The following FNDC1 variants were observed in gnomAD, a reference collection of about 807,000 sequenced individuals.
FNDC1 encodes the protein fibronectin type III domain containing 1.
In FNDC1, 96 loss-of-function variants were observed where a neutral mutation model predicts 168.0. The ratio of observed to expected loss-of-function variants is 0.57; its 90% CI spans 0.48 to 0.68. The LOEUF (loss-of-function observed/expected upper bound fraction) is 0.68, where lower values mean the gene tolerates loss of function less well. FNDC1 is among the 30% of genes least tolerant of loss of function. The probability of loss-of-function intolerance (pLI) is 0.00; values close to 1 mark genes in which losing one functional copy is unlikely to be tolerated. For missense variants in FNDC1, 2,587 were observed against 2,482.1 expected, an observed-to-expected ratio of 1.04 and a Z score of -0.90; for synonymous variants, 1,099 against 1,025.9, an observed-to-expected ratio of 1.07 and a Z score of -1.36.
intron 9 of FNDC1, among the ~76,000 whole-genome samples, chr6:159,226,804 C>T (rs138501676): frequency 3.3e-3 from 508 of 152,306 alleles, no homozygotes; most frequent in Non-Finnish European, 5.8e-3. Flanking sequence ...TTTGCTGTTG[C>T]TGTTGGGAAG....
intron 15 of FNDC1, 133 bp from the exon 16 acceptor site, chr6:159,248,906 G>T: frequency 1.7e-6 from 1 of 590,170 alleles, no homozygotes. Flanking sequence ...TTTATTTTAG[G>T]GTGTGTGTGT....
At position 159,232,074 on chromosome 6, in the gene FNDC1, G is replaced by A. The variant is rs1398311784; in HGVS notation, c.1562G>A (p.Arg521Gln). The change falls in exon 11 of 23, where the codon CGA becomes CAA. Residue 521 changes from arginine (R) to glutamine (Q), a missense_variant. Arg to Gln is a conservative substitution (Grantham distance 43). Coordinates refer to ENST00000297267, the MANE Select transcript of FNDC1 (RefSeq NM_032532.3). This position sits in a 1 kb window ranked among gnomAD's most constrained non-coding sequence, Gnocchi z 4.9. Reference sequence around the variant, plus strand: ...ATATTGGCTAATGGTGGGGCGCCCCGAAAACCCCAGCTTCGCGCCAAGAAG... The same window carrying A: ...ATATTGGCTAATGGTGGGGCGCCCCAAAAACCCCAGCTTCGCGCCAAGAAG... The part of the protein sequence containing the change: ...NKILANGGAP[R>Q]KPQLRAKKAE... The A allele has an allele frequency of 1.2e-6, 2 of 1,613,696 alleles. No individual in the cohort carries two copies.
At position 159,173,136 on chromosome 6, in the gene FNDC1, G is replaced by A. The variant is rs368599918; in HGVS notation, c.109+3431G>A. On this transcript the variant is annotated intron_variant, in intron 1 of 22. Transcript: ENST00000297267. Reference sequence around the variant, plus strand: ...GAAACATAACCTCCTTGGCATCCTCGTAAATTTAAGAATAGAAGATAATTC... The same window carrying A: ...GAAACATAACCTCCTTGGCATCCTCATAAATTTAAGAATAGAAGATAATTC... Among the ~76,000 whole-genome samples, 85 of 152,250 alleles carry A rather than the reference G, an allele frequency of 5.6e-4. 1 individual carries two copies. Among genetic ancestry groups the A allele is most frequent in the African/African-American group, 2.0e-3 (82 of 41,550 alleles).
At chr6:159,207,872 C>T (rs989862766) in intron 4 of FNDC1, among the ~76,000 whole-genome samples, 6 of 152,176 alleles carry the variant, frequency 3.9e-5, no homozygotes, top group African/African-American at 9.7e-5. Context: ...TTTGAACTGA[C>T]GTCTGGTGTT....
intron 5 of FNDC1, among the ~76,000 whole-genome samples, chr6:159,216,508 C>T (rs1402003354): frequency 1.3e-5 from 2 of 152,166 alleles, no homozygotes; most frequent in African/African-American, 2.4e-5. Flanking sequence ...CTGAGGGGCA[C>T]GACTTGTCGA....
At chr6:159,265,853 G>A (rs963051685) in intron 20 of FNDC1, among the ~76,000 whole-genome samples, 7 of 152,114 alleles carry the variant, frequency 4.6e-5, no homozygotes, top group African/African-American at 7.2e-5. Context: ...CCTTGAACCC[G>A]GGAGGTGGAG....
In FNDC1 at chr6:159,232,047, A is replaced by C. The variant is rs1311787714; in HGVS notation, c.1535A>C (p.Lys512Thr). Reference protein sequence around the residue: ...AKDLLLDLKNKILANGGAPRK... With the variant: ...AKDLLLDLKNTILANGGAPRK... ...GACCTTCTTCTTGACTTGAAGAACA[A>C]AATATTGGCTAATGGTGGGGCGCCC... The change falls in exon 11 of 23, where the codon AAA (lysine) becomes ACA (threonine). Residue 512 changes from lysine (K) to threonine (T), a missense_variant. Coordinates refer to ENST00000297267, the MANE Select transcript of FNDC1 (RefSeq NM_032532.3). The surrounding 1 kb of genome is among the most constrained non-coding windows in gnomAD (Gnocchi z 4.9). 1 of 1,613,742 alleles carries C rather than the reference A, an allele frequency of 6.2e-7. No homozygotes were observed. The highest frequency in any genetic ancestry group is 8.5e-7 in the Non-Finnish European group (1 of 1,179,848).
intron 17 of FNDC1, among the ~76,000 whole-genome samples, chr6:159,254,079 T>C (rs1337487164): frequency 6.6e-6 from 1 of 152,216 alleles, no homozygotes; most frequent in Non-Finnish European, 1.5e-5. Context: ...TTCACCTGGC[T>C]TCCAGGCCCA....
chr6:159,217,519 A>T (rs1413020425), intron 5 of FNDC1, among the ~76,000 whole-genome samples: 2 of 152,116 alleles, frequency 1.3e-5, no homozygotes, highest in East Asian at 3.9e-4. Context: ...TGGTGGAGAC[A>T]TTGGGTGGAT....
intron 1 of FNDC1, among the ~76,000 whole-genome samples, chr6:159,171,452 C>T (rs972966274): frequency 6.6e-6 from 1 of 152,150 alleles, no homozygotes; most frequent in African/African-American, 2.4e-5. Context: ...ATAGACTGCT[C>T]CCTCTCTCTG....
chr6:159,239,132 TTA>T (rs1399780431), intron 13 of FNDC1, among the ~76,000 whole-genome samples: 1 of 152,240 alleles, frequency 6.6e-6, no homozygotes, highest in East Asian at 1.9e-4. Context: ...AACTCATTTT[TTA>T]TGTGTTGTTT....
chr6:159,234,267 C>A lies in FNDC1; in HGVS notation c.3755C>A (p.Pro1252His), dbSNP rs760203853. The change falls in exon 11 of 23, where the codon CCC (proline) becomes CAC (histidine). Residue 1252 changes from proline to histidine, a missense_variant. Transcript: ENST00000297267. ...RPLPPPPGSS[P>H]RASHVPSRLP... ...CTCCCCCCACCTCCAGGCAGCTCCC[C>A]CAGGGCCTCCCACGTCCCTTCCCGA... 1.4e-5 allele frequency: 22 copies of A among 1,593,836 alleles called. No individual in the cohort carries two copies. In the Admixed American group the frequency reaches 1.9e-4, roughly 14 times the overall value.
At chr6:159,246,556 C>T (rs1777133594) in intron 14 of FNDC1, among the ~76,000 whole-genome samples, 1 of 152,208 alleles carries the variant, frequency 6.6e-6, no homozygotes, top group Admixed American at 6.5e-5. Flanking sequence ...CTTCCCTCAG[C>T]ATCAGAGCCC....
Position 159,214,984 on chromosome 6 carries a change from G to A in FNDC1, c.500G>A (p.Arg167Gln), listed in dbSNP as rs764191268. 27 of 1,613,878 alleles carry A rather than the reference G, an allele frequency of 1.7e-5. No individual in the cohort carries two copies. The highest frequency in any genetic ancestry group is 5.3e-5 in the African/African-American group (4 of 74,932). The change falls in exon 5 of 23, where the codon CGG (arginine) becomes CAG (glutamine). Residue 167 changes from arginine to glutamine, a missense_variant. Coordinates refer to ENST00000297267, the MANE Select transcript of FNDC1 (RefSeq NM_032532.3). ...VPNKPLRVRV[R>Q]SSDDRLSVAW... ...AACAAGCCCTTGCGTGTGCGTGTCC[G>A]GTCCTCAGATGACAGGCTGTCCGTT...
rs369753046 is a variant in FNDC1, at chr6:159,190,811, T to G, written c.110-6620T>G. 9.1e-4 allele frequency among the ~76,000 whole-genome samples: 139 copies of G among 152,338 alleles called. 4 individuals are homozygous for G. In the South Asian group the frequency reaches 0.027, roughly 30 times the overall value. On this transcript the variant is annotated intron_variant, in intron 1 of 22. Coordinates refer to ENST00000297267, the MANE Select transcript of FNDC1 (RefSeq NM_032532.3). ...TACATTTAGCCTGGGGAAATGAAACTGAAACGTAATTTGTTATTGATCAGC... is the reference window on the plus strand; with the variant it reads ...TACATTTAGCCTGGGGAAATGAAACGGAAACGTAATTTGTTATTGATCAGC...
chr6:159,191,880 T>C (rs1215512877), intron 1 of FNDC1, among the ~76,000 whole-genome samples: 1 of 152,156 alleles, frequency 6.6e-6, no homozygotes, highest in Non-Finnish European at 1.5e-5. Flanking sequence ...TGCTTTTTTT[T>C]TGTGACAGGG....
chr6:159,172,464 T>C (rs1781682599), intron 1 of FNDC1, among the ~76,000 whole-genome samples: 1 of 152,262 alleles, frequency 6.6e-6, no homozygotes. Flanking sequence ...TTTTGCCAAG[T>C]TGTTTCCACC....
chr6:159,202,672 C>T (rs1441228990), intron 4 of FNDC1, among the ~76,000 whole-genome samples: 1 of 152,212 alleles, frequency 6.6e-6, no homozygotes, highest in Non-Finnish European at 1.5e-5. Flanking sequence ...CCTCCTTTTG[C>T]AGGCTTACAG....
chr6:159,264,070 T>C (rs1777544866), intron 19 of FNDC1, among the ~76,000 whole-genome samples: 1 of 152,242 alleles, frequency 6.6e-6, no homozygotes, highest in South Asian at 2.1e-4. Context: ...GGTTTTACAT[T>C]TGTTGAGGTA....
Sources: gnomAD v4.1 joint callset for allele counts (sites outside exome capture counted in the v4.1 genomes callset) on GRCh38, gnomAD v4.1.1 for gene constraint, Gnocchi (gnomAD v3.1) non-coding constraint, MANE v1.5 for transcripts, NCBI Gene and HGNC (gene_info 2026-07-23, HGNC 2026-07-21) for gene names.